The following GNAZ variants were observed in gnomAD, a reference collection of about 807,000 sequenced individuals.
The protein encoded by GNAZ is guanine nucleotide-binding protein G(z) subunit alpha.
Under a neutral mutation model 25.4 loss-of-function variants are expected in GNAZ, and 3 were observed. That is an observed-to-expected ratio of 0.12 (90% CI 0.05 to 0.30). The LOEUF (loss-of-function observed/expected upper bound fraction) is 0.30, where lower values mean the gene tolerates loss of function less well. GNAZ is among the 10% of genes least tolerant of loss of function. The pLI, the probability that GNAZ is intolerant of heterozygous loss-of-function variation, is 1.00. For missense variants in GNAZ, 241 were observed against 501.8 expected (o/e 0.48, Z 4.97); for synonymous variants, 211 against 205.7 (o/e 1.03, Z -0.22).
chr22:23,117,386 G>A (rs1247063253), intron 2 of GNAZ, among the ~76,000 whole-genome samples: 2 of 152,232 alleles, frequency 1.3e-5, no homozygotes, highest in Non-Finnish European at 2.9e-5. Flanking sequence ...CTCCCAAAGA[G>A]CCAGGCTGAC....
In GNAZ at chr22:23,095,267, T is replaced by C. The variant is rs146934131; in HGVS notation, c.-429T>C. 1.5e-3 allele frequency: 284 copies of C among 193,456 alleles called. 2 individuals are homozygous for C. The highest frequency in any genetic ancestry group is 6.2e-3 in the African/African-American group (263 of 42,398). 12.0% of individuals were successfully genotyped at this position (193,456 alleles called of 1,614,324 possible). On this transcript the variant is annotated 5_prime_UTR_variant, in exon 2 of 3. Coordinates refer to ENST00000615612, the MANE Select transcript of GNAZ (RefSeq NM_002073.4). ...GGCAGGTGAAGGGCTGGATGCACAG[T>C]GGGAGCCGGAGGCGGGGGGCTGCAG...
Position 23,086,598 on chromosome 22 carries a change from C to T in GNAZ, c.-449-8649C>T, listed in dbSNP as rs555880325. ...TGGGACCCAGAGTCCCCTCCCTGAC[C>T]CCACCATGCCCAGCTTCCCTGAGAA... On this transcript the variant is annotated intron_variant, in intron 1 of 2. Transcript: ENST00000615612. Among the ~76,000 whole-genome samples, 3 of 152,336 alleles carry T rather than the reference C, an allele frequency of 2.0e-5. No individual in the cohort carries two copies. The South Asian group carries it at 6.2e-4, about 32-fold the overall frequency.
chr22:23,098,888 C>T (rs75240399), intron 2 of GNAZ, among the ~76,000 whole-genome samples: 288 of 152,344 alleles, frequency 1.9e-3, no homozygotes, highest in African/African-American at 5.7e-3. Context: ...AGTGCTGGCA[C>T]GGGCTGGCAC....
rs1262831980 is a variant in GNAZ at position 23,095,566 on chromosome 22, C to T, written c.-130C>T. ...CAGGGGCTGCAGTGTGGCTCGGCCT[C>T]ACCCCCCTGCTGGCACTGAGTGCCT... On this transcript the variant is annotated 5_prime_UTR_variant, in exon 2 of 3. Transcript: ENST00000615612. 9.0e-5 allele frequency: 91 copies of T among 1,016,140 alleles called. No homozygotes were observed. The East Asian group carries it at 2.3e-3, about 26-fold the overall frequency. The allele number at this position is 1,016,140 out of a possible 1,614,324, so 62.9% of individuals were successfully genotyped here. A position where few individuals can be genotyped will look rare whatever the true frequency, so the allele number is the denominator to read the frequency against.
intron 1 of GNAZ, among the ~76,000 whole-genome samples, chr22:23,073,606 C>T (rs1443377861): frequency 1.3e-5 from 2 of 152,234 alleles, no homozygotes; most frequent in South Asian, 2.1e-4. Context: ...TTGGCCCTTT[C>T]GTGCGAACAC....
chr22:23,123,886 G>A lies in GNAZ; in HGVS notation c.*455G>A. On this transcript the variant is annotated 3_prime_UTR_variant, in exon 3 of 3. Coordinates refer to ENST00000615612, the MANE Select transcript of GNAZ (RefSeq NM_002073.4). Reference sequence around the variant, plus strand: ...CTCGCTGCCCGAGCTCTGGCCTAGGGACCTTGCCGCTGACCAAGAGGGAGG... The same window carrying A: ...CTCGCTGCCCGAGCTCTGGCCTAGGAACCTTGCCGCTGACCAAGAGGGAGG... 1 of 218,598 alleles carries A rather than the reference G, an allele frequency of 4.6e-6. No individual in the cohort carries two copies. 13.5% of individuals were successfully genotyped at this position (218,598 alleles called of 1,614,324 possible). A position where few individuals can be genotyped will look rare whatever the true frequency, so the allele number is the denominator to read the frequency against.
intron 1 of GNAZ, among the ~76,000 whole-genome samples, chr22:23,092,394 C>T (rs551412216): frequency 6.6e-6 from 1 of 152,284 alleles, no homozygotes; most frequent in East Asian, 1.9e-4. Flanking sequence ...GCTCATACCC[C>T]CAAACACAAC....
At chr22:23,114,579 C>T (rs1223729588) in intron 2 of GNAZ, among the ~76,000 whole-genome samples, 1 of 152,238 alleles carries the variant, frequency 6.6e-6, no homozygotes, top group African/African-American at 2.4e-5. Context: ...CCAGCACTAT[C>T]TGCAGCAGTG....
At chr22:23,091,114 G>C (rs952752571) in intron 1 of GNAZ, among the ~76,000 whole-genome samples, 1 of 152,110 alleles carries the variant, frequency 6.6e-6, no homozygotes, top group Non-Finnish European at 1.5e-5. Context: ...CTGCACACAC[G>C]CACAACCACA....
In GNAZ at chr22:23,123,310, A is replaced by T. The variant is rs1399649296; in HGVS notation, c.947A>T (p.Glu316Val). 6.2e-7 allele frequency: 1 copy of T among 1,613,480 alleles called. No individual in the cohort carries two copies. The change falls in exon 3 of 3, where the codon GAG (glutamate) becomes GTG (valine). Residue 316 changes from glutamate (E) to valine (V), a missense_variant. Glu to Val is a moderately radical substitution (Grantham distance 121). Transcript: ENST00000615612. Reference protein sequence around the residue: ...RQFEDLNRNKETKEIYSHFTC... With the variant: ...RQFEDLNRNKVTKEIYSHFTC... ...TTTGAAGACCTGAACCGCAACAAGG[A>T]GACCAAGGAGATCTACTCCCACTTC... is the stretch of plus-strand genomic sequence containing the variant.
intron 1 of GNAZ, among the ~76,000 whole-genome samples, chr22:23,083,075 GAA>G (rs2068724948): frequency 6.6e-6 from 1 of 152,138 alleles, no homozygotes; most frequent in Non-Finnish European, 1.5e-5. Flanking sequence ...GTGGGCAGGA[GAA>G]GTTTCAGGAA....
At chr22:23,098,870 C>T (rs1300379069) in intron 2 of GNAZ, among the ~76,000 whole-genome samples, 2 of 152,254 alleles carry the variant, frequency 1.3e-5, no homozygotes, top group Non-Finnish European at 2.9e-5. Context: ...CGGGCCAGGG[C>T]CAGAGCCAGT....
chr22:23,103,040 C>G, intron 2 of GNAZ, among the ~76,000 whole-genome samples: 1 of 152,160 alleles, frequency 6.6e-6, no homozygotes, highest in Non-Finnish European at 1.5e-5. Flanking sequence ...CGGCACCATG[C>G]CAGGCAGGGC....
intron 2 of GNAZ, among the ~76,000 whole-genome samples, chr22:23,106,229 C>G (rs2069471177): frequency 2.0e-5 from 3 of 152,200 alleles, no homozygotes; most frequent in African/African-American, 7.2e-5. Flanking sequence ...TGGTTGAGAT[C>G]TGGTGAGAGC....
chr22:23,109,813 C>T (rs2069595017), intron 2 of GNAZ, among the ~76,000 whole-genome samples: 1 of 152,200 alleles, frequency 6.6e-6, no homozygotes, highest in Admixed American at 6.5e-5. Context: ...AGAGAAGGCT[C>T]AGAGCATAGG....
At chr22:23,077,894 C>T (rs1225808401) in intron 1 of GNAZ, among the ~76,000 whole-genome samples, 1 of 152,236 alleles carries the variant, frequency 6.6e-6, no homozygotes, top group Non-Finnish European at 1.5e-5. Flanking sequence ...CACCCCCACA[C>T]TAGTGGCCCT....
intron 2 of GNAZ, among the ~76,000 whole-genome samples, chr22:23,112,872 T>G (rs182197681): frequency 6.6e-6 from 1 of 152,290 alleles, no homozygotes; most frequent in East Asian, 1.9e-4. Context: ...GGGCCTGGTC[T>G]GGGGACCCCA....
chr22:23,081,064 G>T lies in GNAZ; in HGVS notation c.-450+10494G>T, dbSNP rs571350996. 5.3e-5 allele frequency among the ~76,000 whole-genome samples: 8 copies of T among 152,314 alleles called. No individual in the cohort carries two copies. In the South Asian group the frequency reaches 1.7e-3, roughly 32 times the overall value. ...GCCTGGAATACTGTGTAAACTGGTG[G>T]GCTGTGACTGTATAGAGGGCTTCTG... On this transcript the variant is annotated intron_variant, in intron 1 of 2. Transcript: ENST00000615612.
At chr22:23,109,533 G>A (rs2069583993) in intron 2 of GNAZ, among the ~76,000 whole-genome samples, 1 of 152,134 alleles carries the variant, frequency 6.6e-6, no homozygotes, top group African/African-American at 2.4e-5. Context: ...GGGTACCCAG[G>A]GCCTACACTT....
Sources: gnomAD v4.1 joint callset for allele counts (sites outside exome capture counted in the v4.1 genomes callset) on GRCh38, gnomAD v4.1.1 for gene constraint, MANE v1.5 for transcripts, NCBI Gene and HGNC (gene_info 2026-07-23, HGNC 2026-07-21) for gene names.